The following AXDND1 variants were observed in gnomAD, a reference collection of about 807,000 sequenced individuals.
AXDND1 encodes the protein axonemal dynein light chain domain-containing protein 1.
In AXDND1, 110 loss-of-function variants were observed where a neutral mutation model predicts 137.5. That is an observed-to-expected ratio of 0.80 (90% CI 0.69 to 0.94). The LOEUF is 0.94. Among genes scored for constraint, AXDND1 ranks in the 40% least tolerant of loss-of-function variants. AXDND1 has a pLI of 0.00. For synonymous variants in AXDND1, 414 were observed against 399.7 expected (o/e 1.04, Z -0.43); for missense variants, 1,191 against 1,169.8 (o/e 1.02, Z -0.26).
At position 179,387,517 on chromosome 1, in the gene AXDND1, A is replaced by G. The variant is rs186369499; in HGVS notation, c.863+2158A>G. 9.8e-5 allele frequency among the ~76,000 whole-genome samples: 15 copies of G among 152,358 alleles called. 1 individual carries two copies. The highest frequency in any genetic ancestry group is 7.7e-4 in the East Asian group (4 of 5,186). ...TAACAATTAAATTTCAACACTAGTT[A>G]TGAGGGGAGAAACATTTAAACCTAG... On this transcript the variant is annotated intron_variant, in intron 9 of 25. Coordinates refer to ENST00000367618, the MANE Select transcript of AXDND1 (RefSeq NM_144696.6).
chr1:179,382,000 G>A (rs1333227921), intron 6 of AXDND1, among the ~76,000 whole-genome samples: 1 of 142,450 alleles, frequency 7.0e-6, no homozygotes, highest in Non-Finnish European at 1.5e-5. Flanking sequence ...CACCATGTTG[G>A]CCAGGCTGGT....
At chr1:179,396,570 C>T (rs1651101556) in intron 11 of AXDND1, among the ~76,000 whole-genome samples, 1 of 151,988 alleles carries the variant, frequency 6.6e-6, no homozygotes, top group Non-Finnish European at 1.5e-5. Context: ...ATTGCTTGAA[C>T]CCAGGAGGCG....
chr1:179,549,438 G>A (rs1011839014), intron 25 of AXDND1, among the ~76,000 whole-genome samples: 1 of 150,642 alleles, frequency 6.6e-6, no homozygotes, highest in Middle Eastern at 3.4e-3. Flanking sequence ...TTTAAATATT[G>A]ACCTGTGCCA....
intron 12 of AXDND1, among the ~76,000 whole-genome samples, chr1:179,418,942 T>G (rs1655187406): frequency 1.4e-5 from 2 of 142,846 alleles, no homozygotes; most frequent in Non-Finnish European, 3.0e-5. Context: ...CCAGACGGGG[T>G]CGCCGCCGGG....
chr1:179,476,869 C>T (rs1039890803), intron 17 of AXDND1, among the ~76,000 whole-genome samples: 22 of 152,238 alleles, frequency 1.4e-4, no homozygotes, highest in African/African-American at 4.1e-4. Context: ...GATTGTTAAG[C>T]TTCTTGAATG....
chr1:179,499,310 T>C (rs10798685), intron 20 of AXDND1, among the ~76,000 whole-genome samples: 133,571 of 152,164 alleles, frequency 0.88, 58,842 homozygotes, highest in East Asian at 0.96. Flanking sequence ...TGAAAACATG[T>C]TGAGTGAAAG....
At chr1:179,372,584 GTTTTT>G (rs1390490480) in intron 4 of AXDND1, among the ~76,000 whole-genome samples, 1 of 152,014 alleles carries the variant, frequency 6.6e-6, no homozygotes, top group Admixed American at 6.6e-5. Context: ...GTTTTGTTTT[GTTTTT>G]TGTTTTTTTA....
intron 20 of AXDND1, chr1:179,506,733 A>T (rs1476046191): frequency 2.3e-6 from 1 of 430,858 alleles, no homozygotes; most frequent in African/African-American, 2.2e-5. Context: ...CTGTGTCAAA[A>T]AAACAAAACA....
In AXDND1 at chr1:179,430,616, C is replaced by G. The variant is rs1373334149; in HGVS notation, c.1487+10C>G. The G allele has an allele frequency of 1.2e-6, 2 of 1,601,312 alleles. No individual in the cohort carries two copies. Among genetic ancestry groups the G allele is most frequent in the Middle Eastern group, 1.7e-4 (1 of 5,960 alleles). Reference sequence around the variant, plus strand: ...GGCAGGAGTTCTTCAAGTGAGTCACCAAGAATCTTGTTTTTCTGATTATAC... The same window carrying G: ...GGCAGGAGTTCTTCAAGTGAGTCACGAAGAATCTTGTTTTTCTGATTATAC... On this transcript the variant is annotated intron_variant, in intron 14 of 25. Transcript: ENST00000367618.
At chr1:179,390,971 T>C (rs1033548628) in intron 9 of AXDND1, among the ~76,000 whole-genome samples, 2 of 152,082 alleles carry the variant, frequency 1.3e-5, no homozygotes, top group Non-Finnish European at 2.9e-5. Flanking sequence ...GACACCTGGC[T>C]AATTTTGTAT....
At position 179,468,460 on chromosome 1, in the gene AXDND1, C is replaced by T; in HGVS notation, c.1816C>T (p.Pro606Ser). The T allele has an allele frequency of 5.0e-6, 8 of 1,608,400 alleles. No individual in the cohort carries two copies. The highest frequency in any genetic ancestry group is 6.8e-6 in the Non-Finnish European group (8 of 1,177,864). The change falls in exon 17 of 26, where the codon CCA (proline) becomes TCA (serine). Residue 606 changes from proline (P) to serine (S), a missense_variant. Physicochemically the swap from Pro to Ser is moderately conservative, Grantham distance 74. Coordinates refer to ENST00000367618, the MANE Select transcript of AXDND1 (RefSeq NM_144696.6). ...TTTTCTAGGTTACTCCAAAATTCTT[C>T]CAAGTTTGATTAGTTCTCTTGACTT... ...NGDNGYSKIL[P>S]SLISSLDFCS...
intron 12 of AXDND1, among the ~76,000 whole-genome samples, chr1:179,418,720 A>C (rs1655127740): frequency 7.1e-6 from 1 of 141,802 alleles, no homozygotes; most frequent in South Asian, 2.2e-4. Flanking sequence ...CGGGGGGCTG[A>C]CCCCCACCTC....
intron 20 of AXDND1, among the ~76,000 whole-genome samples, chr1:179,498,599 G>T (rs911468017): frequency 6.6e-6 from 1 of 151,986 alleles, no homozygotes; most frequent in Non-Finnish European, 1.5e-5. Flanking sequence ...CCTAATTAAA[G>T]AACATCTGCA....
At chr1:179,491,318 A>G (rs549854295) in intron 18 of AXDND1, among the ~76,000 whole-genome samples, 1 of 152,286 alleles carries the variant, frequency 6.6e-6, no homozygotes, top group Non-Finnish European at 1.5e-5. Context: ...TTTCAAAAAA[A>G]TTAAATAAAT....
chr1:179,516,772 T>TGG (rs1443438715), intron 21 of AXDND1, among the ~76,000 whole-genome samples: 1 of 152,218 alleles, frequency 6.6e-6, no homozygotes, highest in Admixed American at 6.5e-5. Flanking sequence ...GGGCTGGTGC[T>TGG]GGGGGTTATC....
At chr1:179,500,625 G>A (rs1667903894) in intron 20 of AXDND1, among the ~76,000 whole-genome samples, 1 of 152,046 alleles carries the variant, frequency 6.6e-6, no homozygotes, top group Non-Finnish European at 1.5e-5. Flanking sequence ...TAGCGATCCT[G>A]TCCAATACAG....
intron 18 of AXDND1, among the ~76,000 whole-genome samples, chr1:179,490,442 T>C (rs1666739123): frequency 6.6e-6 from 1 of 152,202 alleles, no homozygotes; most frequent in Non-Finnish European, 1.5e-5. Context: ...GTTCTCAAAC[T>C]TTCTCTATTC....
At chr1:179,396,103 A>G (rs997751733) in intron 11 of AXDND1, among the ~76,000 whole-genome samples, 2 of 151,106 alleles carry the variant, frequency 1.3e-5, no homozygotes, top group African/African-American at 4.9e-5. Context: ...CAGGAGGCAG[A>G]GGTTGCAGTG....
At chr1:179,519,367 G>T (rs765721243) in intron 21 of AXDND1, among the ~76,000 whole-genome samples, 1 of 152,056 alleles carries the variant, frequency 6.6e-6, no homozygotes, top group South Asian at 2.1e-4. Flanking sequence ...TTCTTTTACT[G>T]TCCAGAAGCT....
Sources: allele counts gnomAD v4.1 joint callset (sites outside exome capture counted in the v4.1 genomes callset), GRCh38; gene constraint gnomAD v4.1.1; transcripts MANE v1.5; gene names NCBI Gene and HGNC (gene_info 2026-07-23, HGNC 2026-07-21).